The following ADAMTS19 variants were observed in gnomAD, a reference collection of about 807,000 sequenced individuals.
ADAMTS19 encodes the protein A disintegrin and metalloproteinase with thrombospondin motifs 19.
In ADAMTS19, 93 loss-of-function variants were observed where a neutral mutation model predicts 153.3. The ratio of observed to expected loss-of-function variants is 0.61; its 90% CI spans 0.51 to 0.72. ADAMTS19 has a LOEUF of 0.72. ADAMTS19 is among the 30% of genes least tolerant of loss of function. ADAMTS19 has a pLI of 0.00. For missense variants in ADAMTS19, 1,482 were observed against 1,552.1 expected (o/e 0.95, Z 0.76); for synonymous variants, 600 against 556.6 (o/e 1.08, Z -1.10).
chr5:129,596,342 A>C (rs1378507570), intron 7 of ADAMTS19, among the ~76,000 whole-genome samples: 1 of 152,068 alleles, frequency 6.6e-6, no homozygotes, highest in Non-Finnish European at 1.5e-5. Flanking sequence ...AAATAATTTT[A>C]TCTAAAATAT....
At chr5:129,658,836 T>C in intron 15 of ADAMTS19, 99 bp downstream of exon 15, 1 of 1,288,590 alleles carries the variant, frequency 7.8e-7, no homozygotes, top group Non-Finnish European at 1.0e-6. Context: ...TCTAATTCTA[T>C]TGAAGACTTG....
intron 21 of ADAMTS19, among the ~76,000 whole-genome samples, chr5:129,712,581 A>ATTT (rs796406941): frequency 9.3e-5 from 14 of 151,270 alleles, no homozygotes; most frequent in African/African-American, 3.4e-4. Flanking sequence ...AAGAGAATGG[A>ATTT]TTTTTTTTTG....
chr5:129,473,729 T>C (rs556091895), intron 2 of ADAMTS19, among the ~76,000 whole-genome samples: 11 of 152,228 alleles, frequency 7.2e-5, no homozygotes, highest in Admixed American at 1.3e-4. Flanking sequence ...TTTTAAAATA[T>C]ATTGAATTGA....
At chr5:129,685,838 A>T (rs1278993573) in intron 18 of ADAMTS19, among the ~76,000 whole-genome samples, 1 of 152,204 alleles carries the variant, frequency 6.6e-6, no homozygotes, top group Non-Finnish European at 1.5e-5. Context: ...GAGCAAAAAA[A>T]TTGCTGAAGT....
intron 21 of ADAMTS19, among the ~76,000 whole-genome samples, chr5:129,716,632 A>G (rs937942140): frequency 1.3e-5 from 2 of 151,058 alleles, no homozygotes; most frequent in Non-Finnish European, 2.9e-5. Flanking sequence ...CCAGGCTAGA[A>G]GCTATCCTTG....
At chr5:129,679,732 A>T in intron 16 of ADAMTS19, 32 bp from the exon 17 acceptor site, 1 of 1,536,634 alleles carries the variant, frequency 6.5e-7, no homozygotes, top group Non-Finnish European at 8.8e-7. Context: ...CTGACTTGTT[A>T]ATACTCATTA....
chr5:129,530,817 GAAA>G (rs762745159), intron 6 of ADAMTS19, among the ~76,000 whole-genome samples: 2 of 130,438 alleles, frequency 1.5e-5, no homozygotes. Context: ...AGTAAAGCAG[GAAA>G]AAAAAAAAAG....
chr5:129,610,836 C>G (rs1487128271), intron 8 of ADAMTS19, among the ~76,000 whole-genome samples: 1 of 152,164 alleles, frequency 6.6e-6, no homozygotes, highest in Non-Finnish European at 1.5e-5. Context: ...AATGGTATTT[C>G]TAGTTCTAGA....
At chr5:129,551,601 C>G (rs114553616) in intron 6 of ADAMTS19, among the ~76,000 whole-genome samples, 5,902 of 151,678 alleles carry the variant, frequency 0.039, 173 homozygotes, top group Non-Finnish European at 0.057. Context: ...AAATTCAAAA[C>G]AAGATGGGAT....
chr5:129,677,476 C>CAAA (rs34211136), intron 16 of ADAMTS19, among the ~76,000 whole-genome samples: 1 of 135,810 alleles, frequency 7.4e-6, no homozygotes. Context: ...GACTCCGTCT[C>CAAA]AAAAAAAAAA....
rs748371915 is a variant in ADAMTS19, at chr5:129,578,041, TACACAC to T, written c.1373-18484_1373-18479del. Among the ~76,000 whole-genome samples, 669 of 98,604 alleles carry T rather than the reference TACACAC, an allele frequency of 6.8e-3. 12 individuals are homozygous for T. The highest frequency in any genetic ancestry group is 0.02 in the African/African-American group (497 of 24,314). 64.7% of individuals were successfully genotyped at this position (98,604 alleles called of 152,430 possible). ...GAATTTATTGATTTTCAAACTTACA[TACACAC>T]ACACACACACACACACACACACACA... On this transcript the variant is annotated intron_variant, in intron 7 of 22. Transcript: ENST00000274487.
intron 7 of ADAMTS19, among the ~76,000 whole-genome samples, chr5:129,563,085 C>A (rs1368607866): frequency 6.6e-6 from 1 of 152,160 alleles, no homozygotes; most frequent in Non-Finnish European, 1.5e-5. Flanking sequence ...AATCTCCAGA[C>A]CCTTCCCTTT....
intron 2 of ADAMTS19, among the ~76,000 whole-genome samples, chr5:129,472,601 C>T (rs1053498752): frequency 3.6e-4 from 55 of 152,046 alleles, no homozygotes; most frequent in Admixed American, 4.6e-4. Flanking sequence ...TAAGTGTTTT[C>T]CCACTCTTCA....
At chr5:129,575,386 A>G (rs1471155508) in intron 7 of ADAMTS19, among the ~76,000 whole-genome samples, 1 of 152,100 alleles carries the variant, frequency 6.6e-6, no homozygotes, top group Non-Finnish European at 1.5e-5. Context: ...TGTGTCAGCC[A>G]GAATTCCTGA....
At chr5:129,507,017 A>G (rs1751288008) in intron 2 of ADAMTS19, among the ~76,000 whole-genome samples, 1 of 152,000 alleles carries the variant, frequency 6.6e-6, no homozygotes, top group African/African-American at 2.4e-5. Flanking sequence ...CCAGTTCAGA[A>G]TCTTTTCTTG....
At chr5:129,492,527 G>GTGTGTA (rs1172938953) in intron 2 of ADAMTS19, among the ~76,000 whole-genome samples, 2 of 151,886 alleles carry the variant, frequency 1.3e-5, no homozygotes, top group Admixed American at 1.3e-4. Flanking sequence ...GTGTGTGTGT[G>GTGTGTA]TGTGTATGTG....
chr5:129,703,433 A>G (rs1756001354), intron 20 of ADAMTS19, among the ~76,000 whole-genome samples: 1 of 152,158 alleles, frequency 6.6e-6, no homozygotes, highest in Admixed American at 6.5e-5. Flanking sequence ...ATAATTATAT[A>G]CAGAAATTCT....
chr5:129,635,431 T>C (rs1186359719), intron 10 of ADAMTS19, among the ~76,000 whole-genome samples: 1 of 152,238 alleles, frequency 6.6e-6, no homozygotes, highest in East Asian at 1.9e-4. Flanking sequence ...ATATCAGTTA[T>C]TCTGTTATAA....
chr5:129,737,346 G>T lies in ADAMTS19; in HGVS notation c.*128G>T. 9.5e-7 allele frequency: 1 copy of T among 1,053,698 alleles called. No individual in the cohort carries two copies. Among genetic ancestry groups the T allele is most frequent in the Non-Finnish European group, 1.2e-6 (1 of 803,112 alleles). The allele number at this position is 1,053,698 out of a possible 1,614,324, so 65.3% of individuals were successfully genotyped here. A position where few individuals can be genotyped will look rare whatever the true frequency, so the allele number is the denominator to read the frequency against. On this transcript the variant is annotated 3_prime_UTR_variant, in exon 23 of 23. Transcript: ENST00000274487. ...TTTAATCAAATTAATTTATTTTTTT[G>T]CCTGCCAAACATCCAATGTGGTGCT...
Sources: gnomAD v4.1 joint callset for allele counts (sites outside exome capture counted in the v4.1 genomes callset) on GRCh38, gnomAD v4.1.1 for gene constraint, MANE v1.5 for transcripts, NCBI Gene and HGNC (gene_info 2026-07-23, HGNC 2026-07-21) for gene names.